The following IL17RE variants were observed in gnomAD, a reference collection of about 807,000 sequenced individuals.
The protein encoded by IL17RE is interleukin 17 receptor E.
Under a neutral mutation model 70.7 loss-of-function variants are expected in IL17RE, and 47 were observed. That is an observed-to-expected ratio of 0.67 (90% CI 0.53 to 0.85). The LOEUF (loss-of-function observed/expected upper bound fraction) is 0.85. Among genes scored for constraint, IL17RE ranks in the 40% least tolerant of loss-of-function variants. The probability of loss-of-function intolerance (pLI) is 0.00; values close to 1 mark genes in which losing one functional copy is unlikely to be tolerated. For missense variants in IL17RE, 850 were observed against 893.9 expected (o/e 0.95, Z 0.63); for synonymous variants, 372 against 381.2 (o/e 0.98, Z 0.28).
At position 9,915,297 on chromosome 3, in the gene IL17RE, G is replaced by T; in HGVS notation, c.1494G>T (p.Ser498=). 3 of 1,400,322 alleles carry T rather than the reference G, an allele frequency of 2.1e-6. No homozygotes were observed. Among genetic ancestry groups the T allele is most frequent in the Non-Finnish European group, 2.8e-6 (3 of 1,084,826 alleles). 86.7% of individuals were successfully genotyped at this position (1,400,322 alleles called of 1,614,324 possible). The change falls in exon 16 of 16, where the codon TCG becomes TCT. Residue 498 remains serine (S), a synonymous_variant. Coordinates refer to ENST00000383814, the MANE Select transcript of IL17RE (RefSeq NM_153480.2). This position sits in a 1 kb window ranked among gnomAD's most constrained non-coding sequence, Gnocchi z 4.9. ...RPVLLLHAAD[S]EAQRRLVGAL... ...TGCTCCTCCTGCACGCGGCGGACTC[G>T]GAGGCGCAGCGGCGCCTGGTGGGAG... is the stretch of plus-strand genomic sequence containing the variant.
In IL17RE at chr3:9,910,941, C is replaced by A. The variant is rs114105996; in HGVS notation, c.879C>A (p.Leu293=). 6.2e-7 allele frequency: 1 copy of A among 1,614,188 alleles called. No homozygotes were observed. The highest frequency in any genetic ancestry group is 1.1e-5 in the South Asian group (1 of 91,078). The change falls in exon 9 of 16, where the codon CTC becomes CTA. Residue 293 remains leucine (L), a synonymous_variant. Transcript: ENST00000383814. ...QHTQMVMALT[L]RCPLKLEAAL... The stretch of plus-strand genomic sequence containing the variant: ...CTCAGATGGTCATGGCCCTGACACT[C>A]CGCTGCCCACTGAAGCTGGAAGCTG...
Position 9,903,028 on chromosome 3 carries a change from C to G in IL17RE, c.96C>G (p.Pro32=). The change falls in exon 1 of 16, where the codon CCC becomes CCG. Residue 32 remains proline (P), a synonymous_variant. Coordinates refer to ENST00000383814, the MANE Select transcript of IL17RE (RefSeq NM_153480.2). ...DSAGIGFRHL[P]HWNTRCPLAS... is the part of the protein sequence containing the mutation. ...CTGGGATTGGCTTTCGCCACCTGCCCCACTGGAACACCCGCTGTCCTCTGG... is the reference window on the plus strand; with the variant it reads ...CTGGGATTGGCTTTCGCCACCTGCCGCACTGGAACACCCGCTGTCCTCTGG... The G allele has an allele frequency of 6.2e-7, 1 of 1,614,230 alleles. No homozygotes were observed. The highest frequency in any genetic ancestry group is 8.5e-7 in the Non-Finnish European group (1 of 1,180,048).
At chr3:9,904,613 C>T (rs1289737472) in intron 3 of IL17RE, among the ~76,000 whole-genome samples, 2 of 152,146 alleles carry the variant, frequency 1.3e-5, no homozygotes, top group East Asian at 3.9e-4. Flanking sequence ...TGTGAAACCC[C>T]TGTCTCCACT....
Position 9,908,226 on chromosome 3 carries a change from G to T in IL17RE, c.667-13G>T, listed in dbSNP as rs1422062785. ...CAGGCATCTTTTGTCTTCCTTTGCT[G>T]TTTCATCCACAGAAAATTGTGTCTG... On this transcript the variant is annotated splice_polypyrimidine_tract_variant and intron_variant, in intron 6 of 15. Transcript: ENST00000383814. 1 of 1,613,234 alleles carries T rather than the reference G, an allele frequency of 6.2e-7. No individual in the cohort carries two copies. Among genetic ancestry groups the T allele is most frequent in the East Asian group, 2.2e-5 (1 of 44,882 alleles).
chr3:9,911,989 A>G (rs933167056), intron 12 of IL17RE, among the ~76,000 whole-genome samples: 1 of 152,012 alleles, frequency 6.6e-6, no homozygotes, highest in African/African-American at 2.4e-5. Flanking sequence ...AGGGGTCCCA[A>G]TCCGTGAGCC....
chr3:9,904,600 C>T (rs1027357437), intron 3 of IL17RE, among the ~76,000 whole-genome samples: 1 of 152,124 alleles, frequency 6.6e-6, no homozygotes, highest in African/African-American at 2.4e-5. Flanking sequence ...GTCTGGACAA[C>T]ATTGTGAAAC....
At chr3:9,911,213 A>G (rs755000990) in intron 10 of IL17RE, 39 bp downstream of exon 10, 1 of 1,614,104 alleles carries the variant, frequency 6.2e-7, no homozygotes, top group Non-Finnish European at 8.5e-7. Flanking sequence ...TGTAGTGGGT[A>G]TTGCCTGGAG....
chr3:9,905,357 G>A (rs2082728863), intron 3 of IL17RE, among the ~76,000 whole-genome samples: 3 of 152,114 alleles, frequency 2.0e-5, no homozygotes, highest in African/African-American at 7.2e-5. Flanking sequence ...TCAGGAGGCT[G>A]AGGTGAGAGG....
At chr3:9,914,920 A>C (rs2082978846) in intron 15 of IL17RE, 143 bp downstream of exon 15, 1 of 745,602 alleles carries the variant, frequency 1.3e-6, no homozygotes, top group Non-Finnish European at 2.2e-6. Context: ...CCAAGTGAGC[A>C]GGAATGGTTA....
intron 12 of IL17RE, among the ~76,000 whole-genome samples, chr3:9,912,119 A>G (rs1353267178): frequency 6.6e-6 from 1 of 152,138 alleles, no homozygotes; most frequent in Non-Finnish European, 1.5e-5. Flanking sequence ...GCTGCATTAG[A>G]TTCTTATAGG....
Position 9,908,245 on chromosome 3 carries a change from G to C in IL17RE, c.673G>C (p.Val225Leu). The C allele has an allele frequency of 6.2e-7, 1 of 1,614,072 alleles. No homozygotes were observed. Among genetic ancestry groups the C allele is most frequent in the Non-Finnish European group, 8.5e-7 (1 of 1,179,954 alleles). Reference sequence around the variant, plus strand: ...TTTGCTGTTTCATCCACAGAAAATTGTGTCTGGGGGCCACACTGTAGAGCT... The same window carrying C: ...TTTGCTGTTTCATCCACAGAAAATTCTGTCTGGGGGCCACACTGTAGAGCT... ...LSSPYDVQKI[V>L]SGGHTVELPY... The change falls in exon 7 of 16, where the codon GTG (valine) becomes CTG (leucine). Residue 225 changes from valine to leucine, a missense_variant. Transcript: ENST00000383814.
intron 3 of IL17RE, among the ~76,000 whole-genome samples, 159 bp from the exon 4 acceptor site, chr3:9,906,205 C>T (rs1419281893): frequency 1.3e-5 from 2 of 152,106 alleles, no homozygotes; most frequent in South Asian, 2.1e-4. Flanking sequence ...GCCGAGATCG[C>T]GCCATTGCTC....
At position 9,911,267 on chromosome 3, in the gene IL17RE, A is replaced by G; in HGVS notation, c.1039A>G (p.Asn347Asp). 6.2e-7 allele frequency: 1 copy of G among 1,614,160 alleles called. No individual in the cohort carries two copies. The highest frequency in any genetic ancestry group is 1.1e-5 in the South Asian group (1 of 91,086). The part of the protein sequence containing the change: ...PQLCFKFSFG[N>D]SSHVECPHQT... ...CTGTATTTCTCAGTTCTCTTTTGGA[A>G]ACAGCAGCCATGTTGAATGCCCCCA... is the stretch of plus-strand genomic sequence containing the variant. The change falls in exon 11 of 16, where the codon AAC becomes GAC. Residue 347 changes from asparagine (N) to aspartate (D), a missense_variant. Coordinates refer to ENST00000383814, the MANE Select transcript of IL17RE (RefSeq NM_153480.2).
rs750341390 is a variant in IL17RE at position 9,911,185 on chromosome 3, G to T, written c.1026+11G>T. On this transcript the variant is annotated intron_variant, in intron 10 of 15. Transcript: ENST00000383814. ...CAGCTCTGCTTCAAGGTACAACCAT[G>T]GGTAAGAAAAGATGTGGTGTAGTGG... 1.2e-6 allele frequency: 2 copies of T among 1,614,166 alleles called. No homozygotes were observed. The highest frequency in any genetic ancestry group is 1.7e-5 in the Admixed American group (1 of 60,012).
intron 1 of IL17RE, 113 bp from the exon 2 acceptor site, chr3:9,903,284 A>C (rs930143642): frequency 2.1e-5 from 26 of 1,244,020 alleles, no homozygotes; most frequent in Non-Finnish European, 2.8e-5. Flanking sequence ...GCTATTAGCT[A>C]TGGGGCTCAG....
chr3:9,905,368 A>C (rs1285842816), intron 3 of IL17RE, among the ~76,000 whole-genome samples: 1 of 151,956 alleles, frequency 6.6e-6, no homozygotes, highest in Non-Finnish European at 1.5e-5. Flanking sequence ...AGGTGAGAGG[A>C]TTGCTTAAGC....
chr3:9,910,924 G>T lies in IL17RE; in HGVS notation c.862G>T (p.Val288Phe). 5 of 1,614,140 alleles carry T rather than the reference G, an allele frequency of 3.1e-6. No homozygotes were observed. The highest frequency in any genetic ancestry group is 4.2e-6 in the Non-Finnish European group (5 of 1,180,018). Residue 288 changes from valine (V) to phenylalanine (F), a missense_variant, in exon 9 of 16, where the codon GTC becomes TTC. Physicochemically the swap from Val to Phe is conservative, Grantham distance 50. Coordinates refer to ENST00000383814, the MANE Select transcript of IL17RE (RefSeq NM_153480.2). ...TGACTACAGCCAGCACACTCAGATGGTCATGGCCCTGACACTCCGCTGCCC... is the reference window on the plus strand; with the variant it reads ...TGACTACAGCCAGCACACTCAGATGTTCATGGCCCTGACACTCCGCTGCCC... ...FTDYSQHTQM[V>F]MALTLRCPLK...
At position 9,911,279 on chromosome 3, in the gene IL17RE, G is replaced by A. The variant is rs776429324; in HGVS notation, c.1051G>A (p.Val351Ile). 6.2e-7 allele frequency: 1 copy of A among 1,614,186 alleles called. No homozygotes were observed. ...FKFSFGNSSHVECPHQTGSLT... is the reference protein window; with the variant it reads ...FKFSFGNSSHIECPHQTGSLT... ...GTTCTCTTTTGGAAACAGCAGCCAT[G>A]TTGAATGCCCCCACCAGACTGGTGA... Residue 351 changes from valine (V) to isoleucine (I), a missense_variant, in exon 11 of 16, where the codon GTT (valine) becomes ATT (isoleucine). Transcript: ENST00000383814.
intron 12 of IL17RE, 29 bp from the exon 13 acceptor site, chr3:9,913,927 G>T: frequency 6.3e-7 from 1 of 1,594,050 alleles, no homozygotes; most frequent in Non-Finnish European, 8.6e-7. Context: ...CCTCCCTGGG[G>T]ACAGCCTTTC....
Sources: gnomAD v4.1 joint callset for allele counts (sites outside exome capture counted in the v4.1 genomes callset) on GRCh38, gnomAD v4.1.1 for gene constraint, Gnocchi (gnomAD v3.1) non-coding constraint, MANE v1.5 for transcripts, NCBI Gene and HGNC (gene_info 2026-07-23, HGNC 2026-07-21) for gene names.